MSRA: variants seen among roughly 807,000 people sequenced by gnomAD.
MSRA encodes the protein mitochondrial peptide methionine sulfoxide reductase.
Under a neutral mutation model 31.3 loss-of-function variants are expected in MSRA, and 54 were observed. The ratio of observed to expected loss-of-function variants is 1.73; its 90% confidence interval spans 1.39 to 2.17. The LOEUF (loss-of-function observed/expected upper bound fraction) is 2.17, where lower values mean the gene tolerates loss of function less well. MSRA is among the 30% of genes most tolerant of loss of function. The pLI, the probability that MSRA is intolerant of heterozygous loss-of-function variation, is 0.00. For missense variants in MSRA, 507 were observed against 300.9 expected (o/e 1.69, Z -5.07); for synonymous variants, 169 against 116.5 (o/e 1.45, Z -2.90).
chr8:10,224,858 A>G (rs1489683697), intron 2 of MSRA, among the ~76,000 whole-genome samples: 2 of 152,112 alleles, frequency 1.3e-5, no homozygotes, highest in Admixed American at 1.3e-4. Flanking sequence ...TTAAATGAAC[A>G]CTACTACTAG....
At chr8:10,157,753 C>T (rs1390388512) in intron 1 of MSRA, among the ~76,000 whole-genome samples, 3 of 151,942 alleles carry the variant, frequency 2.0e-5, no homozygotes, top group Non-Finnish European at 4.4e-5. Flanking sequence ...TGATAGGCCT[C>T]TCTCCCCCTC....
chr8:10,071,776 C>T (rs760224347), intron 1 of MSRA, among the ~76,000 whole-genome samples: 2 of 152,162 alleles, frequency 1.3e-5, no homozygotes, highest in African/African-American at 2.4e-5. Flanking sequence ...AAGGCTGGCA[C>T]TCCATGGAGG....
chr8:10,343,384 T>A (rs1035150242), intron 5 of MSRA, among the ~76,000 whole-genome samples: 3 of 152,248 alleles, frequency 2.0e-5, no homozygotes, highest in Non-Finnish European at 2.9e-5. Flanking sequence ...CAGGGTGGAA[T>A]GCAATCTCAT....
chr8:10,192,810 T>C (rs1807626102), intron 1 of MSRA, among the ~76,000 whole-genome samples: 1 of 152,230 alleles, frequency 6.6e-6, no homozygotes, highest in African/African-American at 2.4e-5. Context: ...ATGAGACTCA[T>C]TATGGGCTGA....
intron 2 of MSRA, among the ~76,000 whole-genome samples, chr8:10,216,632 T>G (rs987330081): frequency 2.0e-5 from 3 of 152,244 alleles, no homozygotes; most frequent in Admixed American, 6.5e-5. Context: ...TGTCTAAATT[T>G]GACTACTCTA....
At chr8:10,243,285 G>T (rs1163273616) in intron 2 of MSRA, among the ~76,000 whole-genome samples, 8 of 152,100 alleles carry the variant, frequency 5.3e-5, no homozygotes, top group African/African-American at 1.7e-4. Flanking sequence ...TCTGCCTGGT[G>T]CTCTGCACAG....
chr8:10,131,928 C>T lies in MSRA; in HGVS notation c.143-75905C>T, dbSNP rs185680491. Among the ~76,000 whole-genome samples the T allele has an allele frequency of 1.8e-4, 27 of 152,192 alleles. 1 individual carries two copies. In the East Asian group the frequency reaches 5.0e-3, roughly 28 times the overall value. Reference sequence around the variant, plus strand: ...CTTTTAATGGAAAAACCAGTTATACCAAATGAAAACAAATGACTGAAGAAG... The same window carrying T: ...CTTTTAATGGAAAAACCAGTTATACTAAATGAAAACAAATGACTGAAGAAG... On this transcript the variant is annotated intron_variant, in intron 1 of 5. Transcript: ENST00000317173.
At chr8:10,310,462 C>G (rs1285183505) in intron 4 of MSRA, among the ~76,000 whole-genome samples, 1 of 152,200 alleles carries the variant, frequency 6.6e-6, no homozygotes, top group South Asian at 2.1e-4. Context: ...TTAAATCCTT[C>G]TGTCATATAA....
At chr8:10,285,721 C>T (rs1158090807) in intron 3 of MSRA, among the ~76,000 whole-genome samples, 1 of 151,932 alleles carries the variant, frequency 6.6e-6, no homozygotes, top group Non-Finnish European at 1.5e-5. Context: ...TCAGCTTCCA[C>T]GTATGAGAGA....
intron 5 of MSRA, among the ~76,000 whole-genome samples, chr8:10,350,245 A>T (rs181122000): frequency 1.2e-3 from 188 of 152,324 alleles, no homozygotes; most frequent in Non-Finnish European, 2.2e-3. Context: ...TCTGGTCCCC[A>T]CCGTCCATCC....
In MSRA at chr8:10,428,389, C is replaced by T; in HGVS notation, c.*77C>T. On this transcript the variant is annotated 3_prime_UTR_variant, in exon 6 of 6. Coordinates refer to ENST00000317173, the MANE Select transcript of MSRA (RefSeq NM_012331.5). The stretch of plus-strand genomic sequence containing the variant: ...AATTGGGCAATGCTTGTGTGATTCA[C>T]AATCGTGGCATTTAAAGTGCACAAA... The T allele has an allele frequency of 6.8e-7, 1 of 1,468,700 alleles. No individual in the cohort carries two copies. Among genetic ancestry groups the T allele is most frequent in the Non-Finnish European group, 9.4e-7 (1 of 1,067,854 alleles). The allele number at this position is 1,468,700 out of a possible 1,614,324, so 91.0% of individuals were successfully genotyped here.
intron 1 of MSRA, among the ~76,000 whole-genome samples, chr8:10,162,471 C>G: frequency 6.6e-6 from 1 of 152,018 alleles, no homozygotes; most frequent in Non-Finnish European, 1.5e-5. Context: ...AATTCAAAGC[C>G]TTTGATTTCT....
intron 5 of MSRA, among the ~76,000 whole-genome samples, chr8:10,425,160 G>T (rs908349749): frequency 6.6e-6 from 1 of 152,102 alleles, no homozygotes; most frequent in Admixed American, 6.5e-5. Flanking sequence ...ATGGGGGAGA[G>T]TGCTGGGAAG....
At chr8:10,291,684 C>T (rs1800244459) in intron 3 of MSRA, among the ~76,000 whole-genome samples, 1 of 151,998 alleles carries the variant, frequency 6.6e-6, no homozygotes, top group South Asian at 2.1e-4. Flanking sequence ...CCCCTTTCTC[C>T]CTTCAAACAC....
intron 5 of MSRA, among the ~76,000 whole-genome samples, chr8:10,372,756 A>G (rs1805550074): frequency 6.6e-6 from 1 of 152,256 alleles, no homozygotes; most frequent in African/African-American, 2.4e-5. Flanking sequence ...AATTTAAATA[A>G]TAGCTACTAT....
intron 5 of MSRA, among the ~76,000 whole-genome samples, chr8:10,368,734 G>A (rs879296541): frequency 6.6e-6 from 1 of 152,240 alleles, no homozygotes; most frequent in Non-Finnish European, 1.5e-5. Flanking sequence ...GCATTACTAA[G>A]GGAACCACAT....
At position 10,319,912 on chromosome 8, in the gene MSRA, C is replaced by G. The variant is rs1801947776; in HGVS notation, c.466C>G (p.Gln156Glu). 1 of 1,592,328 alleles carries G rather than the reference C, an allele frequency of 6.3e-7. No individual in the cohort carries two copies. The highest frequency in any genetic ancestry group is 1.2e-5 in the South Asian group (1 of 85,420). The change falls in exon 5 of 6, where the codon CAG (glutamine) becomes GAG (glutamate). Residue 156 changes from glutamine to glutamate, a missense_variant. Gln to Glu is a conservative substitution (Grantham distance 29). Coordinates refer to ENST00000317173, the MANE Select transcript of MSRA (RefSeq NM_012331.5). ...GMRQGNDHGT[Q>E]YRSAIYPTSA... The stretch of plus-strand genomic sequence containing the variant: ...GCGCCAGGGGAACGACCATGGCACT[C>G]AGTACCGCTCGGCCATCTACCCGAC...
chr8:10,292,878 C>A (rs539128564), intron 3 of MSRA, among the ~76,000 whole-genome samples: 34 of 151,948 alleles, frequency 2.2e-4, no homozygotes, highest in Non-Finnish European at 4.9e-4. Context: ...TTAGCCTGGC[C>A]TGGGGAGGGT....
intron 2 of MSRA, among the ~76,000 whole-genome samples, chr8:10,240,905 G>A (rs768481189): frequency 3.3e-5 from 5 of 149,764 alleles, no homozygotes; most frequent in East Asian, 2.1e-4. Context: ...CCACACAGCC[G>A]TAGGTGCGAA....
Sources: allele counts gnomAD v4.1 joint callset (sites outside exome capture counted in the v4.1 genomes callset), GRCh38; gene constraint gnomAD v4.1.1; transcripts MANE v1.5; gene names NCBI Gene and HGNC (gene_info 2026-07-23, HGNC 2026-07-21).